EIF4G3: variants seen among roughly 807,000 people sequenced by gnomAD.
EIF4G3 encodes the protein eIF-4-gamma 3.
Under a neutral mutation model 186.4 loss-of-function variants are expected in EIF4G3, and 34 were observed. That is an observed-to-expected ratio of 0.18 (90% CI 0.14 to 0.24). The LOEUF (loss-of-function observed/expected upper bound fraction) is 0.24. Ranked by LOEUF, EIF4G3 falls within the 10% of genes least tolerant of loss-of-function variation. The pLI is 1.00. For synonymous variants in EIF4G3, 673 were observed against 679.5 expected, an observed-to-expected ratio of 0.99 and a Z score of 0.15; for missense variants, 1,536 against 1,948.5, an observed-to-expected ratio of 0.79 and a Z score of 3.99.
chr1:21,140,590 G>GT (rs2097320871), intron 2 of EIF4G3, among the ~76,000 whole-genome samples: 1 of 152,206 alleles, frequency 6.6e-6, no homozygotes, highest in South Asian at 2.1e-4. Flanking sequence ...GATTATAGGC[G>GT]TGAGCCACCA....
intron 8 of EIF4G3, among the ~76,000 whole-genome samples, 183 bp from the exon 9 acceptor site, chr1:20,981,410 C>T (rs990283332): frequency 6.6e-6 from 1 of 151,958 alleles, no homozygotes; most frequent in Non-Finnish European, 1.5e-5. Flanking sequence ...AGGGCAAGCT[C>T]TTATCAGTAT....
At chr1:21,026,577 C>G (rs1008246801) in intron 4 of EIF4G3, among the ~76,000 whole-genome samples, 1 of 150,564 alleles carries the variant, frequency 6.6e-6, no homozygotes, top group African/African-American at 2.4e-5. Flanking sequence ...TTTTGTGCAT[C>G]GAAAGATATT....
intron 34 of EIF4G3, among the ~76,000 whole-genome samples, chr1:20,814,476 A>G (rs1004228927): frequency 4.6e-5 from 7 of 152,118 alleles, no homozygotes; most frequent in Non-Finnish European, 1.0e-4. Flanking sequence ...AACATATTTT[A>G]TTCCTCAATA....
At chr1:21,021,841 C>CCA (rs1446965608) in intron 4 of EIF4G3, among the ~76,000 whole-genome samples, 1 of 152,146 alleles carries the variant, frequency 6.6e-6, no homozygotes, top group African/African-American at 2.4e-5. Context: ...CAGCCATGAA[C>CCA]CACCGTGCCC....
chr1:21,064,949 AG>A, intron 3 of EIF4G3: 1 of 152,208 alleles, frequency 6.6e-6, no homozygotes, highest in African/African-American at 2.4e-5. Context: ...CACCAAGACA[AG>A]GTTGTATGCG....
chr1:21,017,381 C>A (rs867067957), intron 4 of EIF4G3, among the ~76,000 whole-genome samples: 1 of 152,028 alleles, frequency 6.6e-6, no homozygotes, highest in East Asian at 1.9e-4. Context: ...GTAATCCCAG[C>A]ACTTTGGGAG....
At chr1:21,147,044 C>T (rs2097455327) in intron 2 of EIF4G3, among the ~76,000 whole-genome samples, 1 of 151,574 alleles carries the variant, frequency 6.6e-6, no homozygotes. Context: ...GGGCAGATCA[C>T]GAGGTCAGGA....
chr1:21,028,296 AT>A (rs1391366901), intron 4 of EIF4G3, among the ~76,000 whole-genome samples: 2 of 152,230 alleles, frequency 1.3e-5, no homozygotes, highest in African/African-American at 4.8e-5. Context: ...TGCTATTTGC[AT>A]TTTAACACAA....
At chr1:21,162,914 G>C (rs563136134) in intron 2 of EIF4G3, among the ~76,000 whole-genome samples, 6 of 152,212 alleles carry the variant, frequency 3.9e-5, no homozygotes, top group Admixed American at 2.0e-4. Flanking sequence ...AAATAAATTT[G>C]AGTTGGCATG....
At position 20,852,606 on chromosome 1, in the gene EIF4G3, T is replaced by C. The variant is rs191893332; in HGVS notation, c.3551+954A>G. ...CAATTCTAACCAGCTGAGCAAACAG[T>C]TCGTTGGCCCGTGGCAGACCAGAAG... On this transcript the variant is annotated intron_variant, in intron 27 of 36. Coordinates refer to ENST00000602326, the MANE Select transcript of EIF4G3 (RefSeq NM_001391906.1). Among the ~76,000 whole-genome samples, 768 of 152,272 alleles carry C rather than the reference T, an allele frequency of 5.0e-3. 4 individuals are homozygous for C. The highest frequency in any genetic ancestry group is 0.012 in the South Asian group (57 of 4,828).
chr1:20,986,675 G>A (rs1237733027), intron 7 of EIF4G3, among the ~76,000 whole-genome samples: 1 of 141,034 alleles, frequency 7.1e-6, no homozygotes. Context: ...CGTGAACCCG[G>A]GAGGCAGAGC....
chr1:20,944,877 C>T (rs2095872800), intron 13 of EIF4G3, among the ~76,000 whole-genome samples: 1 of 151,712 alleles, frequency 6.6e-6, no homozygotes, highest in African/African-American at 2.4e-5. Context: ...TGGTGGTGTG[C>T]ATTCGTGGTC....
chr1:21,005,089 C>T (rs1315848863), intron 4 of EIF4G3, among the ~76,000 whole-genome samples: 1 of 151,998 alleles, frequency 6.6e-6, no homozygotes, highest in Non-Finnish European at 1.5e-5. Context: ...TCAGACACAA[C>T]GTTTATGTGT....
intron 2 of EIF4G3, among the ~76,000 whole-genome samples, chr1:21,091,879 A>AAGG (rs1572409319): frequency 6.6e-6 from 1 of 152,154 alleles, no homozygotes; most frequent in Non-Finnish European, 1.5e-5. Context: ...TTATTAGTTT[A>AAGG]AGGAGATTTT....
At chr1:21,059,468 G>A (rs1470915531) in intron 3 of EIF4G3, among the ~76,000 whole-genome samples, 1 of 151,840 alleles carries the variant, frequency 6.6e-6, no homozygotes, top group Non-Finnish European at 1.5e-5. Flanking sequence ...CACTACAGTG[G>A]ATATGAGGAA....
chr1:20,837,000 T>A (rs1340242859), intron 30 of EIF4G3, among the ~76,000 whole-genome samples: 1 of 152,236 alleles, frequency 6.6e-6, no homozygotes, highest in Non-Finnish European at 1.5e-5. Context: ...TTTGCGGAGA[T>A]ATGTTTCACA....
intron 3 of EIF4G3, among the ~76,000 whole-genome samples, chr1:21,070,846 T>A (rs1168366730): frequency 1.3e-5 from 2 of 152,218 alleles, no homozygotes; most frequent in Non-Finnish European, 2.9e-5. Flanking sequence ...ACTGAATCTT[T>A]TTGTAAGTGT....
At chr1:20,871,347 C>T (rs970321866) in intron 20 of EIF4G3, among the ~76,000 whole-genome samples, 1 of 152,120 alleles carries the variant, frequency 6.6e-6, no homozygotes, top group Non-Finnish European at 1.5e-5. Flanking sequence ...GAGGGCTCTC[C>T]TGTGCACTAT....
chr1:21,066,209 T>C (rs928092162), intron 3 of EIF4G3, among the ~76,000 whole-genome samples: 1 of 151,352 alleles, frequency 6.6e-6, no homozygotes, highest in Non-Finnish European at 1.5e-5. Context: ...TTGATTTTTC[T>C]GAATTTTTTA....
Sources: gnomAD v4.1 joint callset for allele counts (sites outside exome capture counted in the v4.1 genomes callset) on GRCh38, gnomAD v4.1.1 for gene constraint, MANE v1.5 for transcripts, NCBI Gene and HGNC (gene_info 2026-07-23, HGNC 2026-07-21) for gene names.